The following RANBP2 variants were observed in gnomAD, a reference collection of about 807,000 sequenced individuals.
RANBP2 encodes E3 SUMO-protein ligase RanBP2.
In RANBP2, 57 loss-of-function variants were observed where a neutral mutation model predicts 303.6. The observed-to-expected ratio is 0.19, with a 90% CI of 0.15 to 0.23. RANBP2 has a LOEUF of 0.23. Among genes scored for constraint, RANBP2 ranks in the 10% least tolerant of loss-of-function variants. The pLI is 1.00. For synonymous variants in RANBP2, 1,167 were observed against 1,301.5 expected (o/e 0.90, Z 2.23); for missense variants, 3,138 against 3,780.8 (o/e 0.83, Z 4.46).
chr2:109,669,107 T>C, the RANBP2 span, among the ~76,000 whole-genome samples: 19 of 152,050 alleles, frequency 1.2e-4, no homozygotes, highest in Non-Finnish European at 2.1e-4. Flanking sequence ...AGAAAATACA[T>C]ACAATGGGGA....
At chr2:108,892,700 T>C in the RANBP2 span, among the ~76,000 whole-genome samples, 3 of 152,172 alleles carry the variant, frequency 2.0e-5, no homozygotes, top group Admixed American at 2.0e-4. Context: ...CAGGATTACA[T>C]GAGTTCATGC....
the RANBP2 span, among the ~76,000 whole-genome samples, chr2:108,989,850 C>T: frequency 6.6e-6 from 1 of 151,850 alleles, no homozygotes; most frequent in Non-Finnish European, 1.5e-5. Context: ...TAATGTCATT[C>T]TCTTGTCATT....
chr2:109,237,601 T>C, the RANBP2 span, among the ~76,000 whole-genome samples: 1 of 152,134 alleles, frequency 6.6e-6, no homozygotes, highest in African/African-American at 2.4e-5. Flanking sequence ...GATTTTTGTG[T>C]GTGTGAATTT....
At chr2:109,675,985 G>A in the RANBP2 span, among the ~76,000 whole-genome samples, 1 of 152,246 alleles carries the variant, frequency 6.6e-6, no homozygotes, top group Non-Finnish European at 1.5e-5. Context: ...ACCATAGCCA[G>A]TGAGGAAGAC....
At chr2:108,913,239 G>A in the RANBP2 span, among the ~76,000 whole-genome samples, 57 of 152,028 alleles carry the variant, frequency 3.7e-4, no homozygotes, top group African/African-American at 1.1e-3. Context: ...ATGAGCCACC[G>A]CGCCCGGCTG....
chr2:109,052,924 C>T, the RANBP2 span, among the ~76,000 whole-genome samples: 1 of 152,242 alleles, frequency 6.6e-6, no homozygotes, highest in African/African-American at 2.4e-5. Context: ...TAAGACATTT[C>T]TCTATGTTTG....
the RANBP2 span, chr2:109,127,335 A>G: frequency 1.8e-3 from 267 of 152,296 alleles, 1 homozygote; most frequent in African/African-American, 6.2e-3. Context: ...CCTTTCATTA[A>G]TTCTACAAAT....
At chr2:109,323,870 G>A in the RANBP2 span, among the ~76,000 whole-genome samples, 1 of 152,154 alleles carries the variant, frequency 6.6e-6, no homozygotes, top group Non-Finnish European at 1.5e-5. Context: ...GTAATTTGTA[G>A]TATAGTGACA....
the RANBP2 span, among the ~76,000 whole-genome samples, chr2:109,327,138 C>T: frequency 6.6e-6 from 1 of 152,054 alleles, no homozygotes; most frequent in Non-Finnish European, 1.5e-5. Context: ...CATTTCCTAC[C>T]CTGGAGCTTT....
the RANBP2 span, among the ~76,000 whole-genome samples, chr2:109,064,318 T>A: frequency 1.3e-5 from 2 of 151,798 alleles, no homozygotes; most frequent in Admixed American, 6.6e-5. Context: ...TAGCCGGGCA[T>A]GGTGTCGGGT....
chr2:109,264,779 C>T, the RANBP2 span, among the ~76,000 whole-genome samples: 5 of 152,196 alleles, frequency 3.3e-5, no homozygotes, highest in East Asian at 9.6e-4. Context: ...TTCTGAGGGC[C>T]GTGGAGTCTG....
chr2:109,337,199 TGATTTAAA>T, the RANBP2 span, among the ~76,000 whole-genome samples: 1 of 152,296 alleles, frequency 6.6e-6, no homozygotes, highest in East Asian at 1.9e-4. Flanking sequence ...ATTGGCCACA[TGATTTAAA>T]GATTTGTAAA....
chr2:109,537,130 G>T, the RANBP2 span, among the ~76,000 whole-genome samples: 3 of 152,174 alleles, frequency 2.0e-5, no homozygotes, highest in Non-Finnish European at 4.4e-5. Context: ...TGTTCCCAAA[G>T]AAGAAGGTTT....
At chr2:109,302,528 C>T in the RANBP2 span, among the ~76,000 whole-genome samples, 3 of 152,364 alleles carry the variant, frequency 2.0e-5, no homozygotes, top group African/African-American at 7.2e-5. Flanking sequence ...CTCCACAGCC[C>T]TCTAGGAGCT....
chr2:108,881,757 G>A, the RANBP2 span, among the ~76,000 whole-genome samples: 9 of 152,226 alleles, frequency 5.9e-5, no homozygotes, highest in African/African-American at 1.7e-4. Flanking sequence ...CAGCCAGTCA[G>A]TGGAGCAGTC....
At chr2:109,297,557 A>G in the RANBP2 span, among the ~76,000 whole-genome samples, 222 of 131,864 alleles carry the variant, frequency 1.7e-3, no homozygotes, top group Non-Finnish European at 2.5e-3. Context: ...ACCCAAGTCA[A>G]TGCCTCCCAC....
the RANBP2 span, among the ~76,000 whole-genome samples, chr2:108,877,465 C>CA: frequency 1.3e-5 from 2 of 151,758 alleles, no homozygotes; most frequent in African/African-American, 4.8e-5. Flanking sequence ...GATTCTGTCT[C>CA]AAAAAAATAA....
chr2:109,626,401 G>A, the RANBP2 span, among the ~76,000 whole-genome samples: 5 of 151,974 alleles, frequency 3.3e-5, no homozygotes, highest in African/African-American at 4.8e-5. Flanking sequence ...CCCAGGAGGC[G>A]GAGGTTAGAG....
chr2:109,185,983 C>T, the RANBP2 span, among the ~76,000 whole-genome samples: 4 of 152,208 alleles, frequency 2.6e-5, no homozygotes, highest in Admixed American at 2.6e-4. Context: ...TTGGCTGTCA[C>T]GAGCACATTT....
Sources: gnomAD v4.1 joint callset for allele counts (sites outside exome capture counted in the v4.1 genomes callset) on GRCh38, gnomAD v4.1.1 for gene constraint, MANE v1.5 for transcripts, NCBI Gene and HGNC (gene_info 2026-07-23, HGNC 2026-07-21) for gene names.